Variants in ANKFN1 observed in about 807,000 individuals in gnomAD.
ANKFN1 encodes ankyrin repeat and fibronectin type-III domain-containing protein 1.
ANKFN1 carries 74 observed loss-of-function variants against 108.7 expected under a neutral mutation model. The observed-to-expected ratio is 0.68, with a 90% CI of 0.56 to 0.83. The LOEUF (loss-of-function observed/expected upper bound fraction) is 0.83, where lower values mean the gene tolerates loss of function less well. Ranked by LOEUF, ANKFN1 falls within the 40% of genes least tolerant of loss-of-function variation. The probability of loss-of-function intolerance (pLI) is 0.00; values close to 1 mark genes in which losing one functional copy is unlikely to be tolerated. For synonymous variants in ANKFN1, 547 were observed against 516.2 expected (o/e 1.06, Z -0.81); for missense variants, 1,505 against 1,382.3 (o/e 1.09, Z -1.41).
At chr17:56,503,676 A>G (rs1055047066) in intron 20 of ANKFN1, among the ~76,000 whole-genome samples, 4 of 151,904 alleles carry the variant, frequency 2.6e-5, no homozygotes, top group Non-Finnish European at 5.9e-5. Flanking sequence ...TCATCTCCCC[A>G]TAACGCCCTC....
At chr17:56,409,081 T>C (rs1219128342) in intron 8 of ANKFN1, among the ~76,000 whole-genome samples, 2 of 104,844 alleles carry the variant, frequency 1.9e-5, no homozygotes, top group African/African-American at 5.6e-5. Flanking sequence ...CCTGCCACCA[T>C]GCCCAGCTAA....
At chr17:56,204,034 A>T (rs1287876862) in intron 1 of ANKFN1, among the ~76,000 whole-genome samples, 4 of 147,678 alleles carry the variant, frequency 2.7e-5, no homozygotes, top group Non-Finnish European at 6.0e-5. Context: ...TTGTTTGTTT[A>T]TATTAAATTA....
intron 8 of ANKFN1, among the ~76,000 whole-genome samples, chr17:56,424,272 C>G (rs1373524292): frequency 6.6e-6 from 1 of 152,172 alleles, no homozygotes; most frequent in Non-Finnish European, 1.5e-5. Flanking sequence ...TCCATGATTC[C>G]TTCTCTACAA....
At chr17:56,464,863 A>G (rs932045193) in intron 14 of ANKFN1, among the ~76,000 whole-genome samples, 1 of 152,178 alleles carries the variant, frequency 6.6e-6, no homozygotes, top group African/African-American at 2.4e-5. Context: ...CAGAAGTCCA[A>G]CAGTTAATAA....
chr17:56,440,559 A>G (rs2049068987), intron 9 of ANKFN1, 135 bp downstream of exon 9: 1 of 599,014 alleles, frequency 1.7e-6, no homozygotes, highest in Non-Finnish European at 3.0e-6. Context: ...TAAGCATGAT[A>G]TGTCTGGTAT....
intron 8 of ANKFN1, among the ~76,000 whole-genome samples, chr17:56,375,930 G>A (rs1200514306): frequency 1.3e-5 from 2 of 152,194 alleles, no homozygotes. Flanking sequence ...TTGCCTAAAT[G>A]CTTACAACAG....
intron 3 of ANKFN1, among the ~76,000 whole-genome samples, chr17:56,321,301 A>T (rs866371440): frequency 7.1e-4 from 108 of 152,052 alleles, no homozygotes; most frequent in Middle Eastern, 6.8e-3. Flanking sequence ...TTTTATTTTT[A>T]AAAAAAGAAT....
At chr17:56,313,684 C>A (rs1241529331) in intron 3 of ANKFN1, among the ~76,000 whole-genome samples, 1 of 152,176 alleles carries the variant, frequency 6.6e-6, no homozygotes, top group Non-Finnish European at 1.5e-5. Flanking sequence ...ATGATAACAA[C>A]TCAGATTTAC....
chr17:56,337,780 C>T lies in ANKFN1; in HGVS notation c.188+11425C>T, dbSNP rs1316414837. 5.9e-5 allele frequency among the ~76,000 whole-genome samples: 9 copies of T among 152,078 alleles called. No individual in the cohort carries two copies. In the South Asian group the frequency reaches 6.2e-4, roughly 11 times the overall value. On this transcript the variant is annotated intron_variant, in intron 4 of 20. Transcript: ENST00000682825. ...TACCATCTCACACCAGTTAGAATGG[C>T]GATCATTAAAAAATCAGGAAACAAC...
chr17:56,372,610 A>G (rs1273685027), intron 6 of ANKFN1, 36 bp from the exon 7 acceptor site: 1 of 1,579,124 alleles, frequency 6.3e-7, no homozygotes, highest in Non-Finnish European at 8.6e-7. Context: ...ATTTCCCCAG[A>G]AAGAAAGAGA....
rs956797486 is a variant in ANKFN1 at position 56,492,234 on chromosome 17, C to T, written c.2308C>T (p.Leu770Phe). ...REKFISLYCR[L>F]SAVVELDSLN... ...GAAATTTATTAGTCTGTATTGCCGC[C>T]TTTCTGCTGTTGTGGAGCTGGATTC... The change falls in exon 19 of 21, where the codon CTT becomes TTT. Residue 770 changes from leucine to phenylalanine, a missense_variant. Coordinates refer to ENST00000682825, the MANE Select transcript of ANKFN1 (RefSeq NM_001370326.1). The T allele has an allele frequency of 1.4e-6, 1 of 702,438 alleles. No homozygotes were observed. Among genetic ancestry groups the T allele is most frequent in the Non-Finnish European group, 2.6e-6 (1 of 384,718 alleles). The allele number at this position is 702,438 out of a possible 1,614,324, so 43.5% of individuals were successfully genotyped here. A position where few individuals can be genotyped will look rare whatever the true frequency, so the allele number is the denominator to read the frequency against.
chr17:56,386,086 G>A, intron 8 of ANKFN1, among the ~76,000 whole-genome samples: 2 of 152,082 alleles, frequency 1.3e-5, no homozygotes, highest in Non-Finnish European at 2.9e-5. Context: ...GTCCAACAAT[G>A]ATAGACTGGA....
intron 8 of ANKFN1, among the ~76,000 whole-genome samples, chr17:56,376,335 T>C (rs1567955348): frequency 6.6e-6 from 1 of 152,212 alleles, no homozygotes; most frequent in Non-Finnish European, 1.5e-5. Context: ...CTGGATTTTC[T>C]GTATCAGTCT....
At chr17:56,415,150 T>C (rs1224482869) in intron 8 of ANKFN1, among the ~76,000 whole-genome samples, 1 of 152,214 alleles carries the variant, frequency 6.6e-6, no homozygotes, top group African/African-American at 2.4e-5. Context: ...CTCTAAGATC[T>C]GGAACATGAC....
intron 1 of ANKFN1, among the ~76,000 whole-genome samples, chr17:56,156,285 A>C (rs1302434422): frequency 6.6e-6 from 1 of 152,018 alleles, no homozygotes; most frequent in African/African-American, 2.4e-5. Context: ...ACAGGGTTTC[A>C]CTATGTTGGC....
intron 4 of ANKFN1, among the ~76,000 whole-genome samples, chr17:56,052,400 G>A (rs1904793756): frequency 6.6e-6 from 1 of 152,154 alleles, no homozygotes; most frequent in Non-Finnish European, 1.5e-5. Flanking sequence ...GCCTAGGATG[G>A]ACAGACCAGG....
chr17:56,163,555 T>C (rs1177476112), intron 1 of ANKFN1, among the ~76,000 whole-genome samples: 1 of 152,248 alleles, frequency 6.6e-6, no homozygotes, highest in Non-Finnish European at 1.5e-5. Flanking sequence ...ACTTTCATAC[T>C]TCCATACCTA....
chr17:56,340,273 A>G (rs2045926670), intron 4 of ANKFN1, among the ~76,000 whole-genome samples: 1 of 152,108 alleles, frequency 6.6e-6, no homozygotes, highest in African/African-American at 2.4e-5. Context: ...CTGTGTTGAT[A>G]GTTTCTTTTG....
intron 18 of ANKFN1, among the ~76,000 whole-genome samples, chr17:56,491,758 G>C (rs1235765859): frequency 1.3e-5 from 2 of 152,300 alleles, no homozygotes; most frequent in South Asian, 2.1e-4. Context: ...TTGGAAAGGA[G>C]TAGGCAAGAT....
Sources: gnomAD v4.1 joint callset for allele counts (sites outside exome capture counted in the v4.1 genomes callset) on GRCh38, gnomAD v4.1.1 for gene constraint, MANE v1.5 for transcripts, NCBI Gene and HGNC (gene_info 2026-07-23, HGNC 2026-07-21) for gene names.